ANAPC4: variants seen among roughly 807,000 people sequenced by gnomAD.
The protein encoded by ANAPC4 is anaphase promoting complex subunit 4, also known as anaphase-promoting complex subunit 4.
A neutral mutation model predicts 119.8 loss-of-function variants in ANAPC4; 63 were observed. The ratio of observed to expected loss-of-function variants is 0.53; its 90% CI spans 0.43 to 0.65. The LOEUF is 0.65. Ranked by LOEUF, ANAPC4 falls within the 30% of genes least tolerant of loss-of-function variation. The pLI is 0.00. For synonymous variants in ANAPC4, 283 were observed against 318.6 expected (o/e 0.89, Z 1.19); for missense variants, 716 against 945.1 (o/e 0.76, Z 3.18).
At chr4:25,386,204 C>T (rs1032820355) in intron 4 of ANAPC4, among the ~76,000 whole-genome samples, 6 of 151,802 alleles carry the variant, frequency 4.0e-5, no homozygotes, top group African/African-American at 7.3e-5. Context: ...TAAGCCTCAG[C>T]GCCTGGCCTT....
intron 11 of ANAPC4, 113 bp from the exon 12 acceptor site, chr4:25,394,197 A>G: frequency 1.1e-6 from 1 of 875,834 alleles, no homozygotes; most frequent in Non-Finnish European, 1.8e-6. Context: ...CACTTTATGG[A>G]TTTGATGGAA....
chr4:25,384,282 C>T (rs1325074984), intron 4 of ANAPC4, among the ~76,000 whole-genome samples: 1 of 152,182 alleles, frequency 6.6e-6, no homozygotes, highest in Non-Finnish European at 1.5e-5. Flanking sequence ...TTGCTATTTC[C>T]ACCAGATCTG....
chr4:25,406,894 T>G lies in ANAPC4; in HGVS notation c.1374+9T>G. Reference sequence around the variant, plus strand: ...CTGAACATTTCAATGAGGTAAGAAGTTGATATTTCTGTAATGCAGTTTAAA... The same window carrying G: ...CTGAACATTTCAATGAGGTAAGAAGGTGATATTTCTGTAATGCAGTTTAAA... On this transcript the variant is annotated intron_variant, in intron 19 of 28. Coordinates refer to ENST00000315368, the MANE Select transcript of ANAPC4 (RefSeq NM_013367.3). 5 of 1,577,280 alleles carry G rather than the reference T, an allele frequency of 3.2e-6. No homozygotes were observed. Among genetic ancestry groups the G allele is most frequent in the Non-Finnish European group, 4.3e-6 (5 of 1,159,276 alleles).
chr4:25,393,431 G>A (rs954718296), intron 10 of ANAPC4, among the ~76,000 whole-genome samples: 2 of 152,154 alleles, frequency 1.3e-5, no homozygotes, highest in African/African-American at 2.4e-5. Context: ...GGAGGCTGAG[G>A]CAGGTGGATC....
chr4:25,396,465 A>G (rs1722659345), intron 14 of ANAPC4, among the ~76,000 whole-genome samples, 199 bp from the exon 15 acceptor site: 1 of 152,188 alleles, frequency 6.6e-6, no homozygotes, highest in South Asian at 2.1e-4. Flanking sequence ...TGATCTTGTC[A>G]TTTGTTTATC....
At chr4:25,398,330 T>C (rs1722768446) in intron 16 of ANAPC4, among the ~76,000 whole-genome samples, 1 of 152,102 alleles carries the variant, frequency 6.6e-6, no homozygotes, top group African/African-American at 2.4e-5. Flanking sequence ...AGGTAGGGGA[T>C]TCAACTTTAT....
At chr4:25,411,969 G>A (rs556677299) in intron 21 of ANAPC4, among the ~76,000 whole-genome samples, 145 of 152,238 alleles carry the variant, frequency 9.5e-4, no homozygotes, top group Non-Finnish European at 1.3e-3. Flanking sequence ...CTGCCCTCGC[G>A]TCAAATGTCA....
chr4:25,393,565 G>A (rs554909556), intron 10 of ANAPC4, among the ~76,000 whole-genome samples: 8 of 152,170 alleles, frequency 5.3e-5, no homozygotes, highest in Non-Finnish European at 1.0e-4. Context: ...GGGAGGCTGA[G>A]GCAGGAGAAT....
chr4:25,395,202 G>T (rs561983254), intron 14 of ANAPC4: 22 of 218,998 alleles, frequency 1.0e-4, no homozygotes, highest in Admixed American at 3.4e-4. Flanking sequence ...TTTTTTTTGA[G>T]CAGTGAGATT....
At chr4:25,414,439 C>G (rs1488963205) in intron 23 of ANAPC4, 27 bp from the exon 24 acceptor site, 2 of 1,598,306 alleles carry the variant, frequency 1.3e-6, no homozygotes, top group Non-Finnish European at 1.7e-6. Flanking sequence ...TTAAATTTTT[C>G]TCATTTCTTT....
intron 20 of ANAPC4, among the ~76,000 whole-genome samples, chr4:25,407,484 C>A (rs573635310): frequency 3.0e-4 from 46 of 152,172 alleles, no homozygotes; most frequent in African/African-American, 1.1e-3. Context: ...CACCTGTAAT[C>A]CCAGCTACTT....
In ANAPC4 at chr4:25,388,573, A is replaced by C; in HGVS notation, c.442A>C (p.Asn148His). The change falls in exon 5 of 29, where the codon AAC becomes CAC. Residue 148 changes from asparagine to histidine, a missense_variant and splice_region_variant. This residue lies in a region of ANAPC4 where 202 missense variants were observed against 293.5 expected (regional missense o/e 0.69). Coordinates refer to ENST00000315368, the MANE Select transcript of ANAPC4 (RefSeq NM_013367.3). ...LLPKLPTLPK[N>H]YSNTSKIFSE... ...ACCTAAACTACCTACACTGCCAAAAAAGTATGTATCACTGGTTTCTTTGAA... is the reference window on the plus strand; with the variant it reads ...ACCTAAACTACCTACACTGCCAAAACAGTATGTATCACTGGTTTCTTTGAA... 6.3e-7 allele frequency: 1 copy of C among 1,598,894 alleles called. No homozygotes were observed.
At chr4:25,406,254 C>T (rs1723242938) in intron 18 of ANAPC4, among the ~76,000 whole-genome samples, 2 of 152,204 alleles carry the variant, frequency 1.3e-5, no homozygotes, top group South Asian at 4.1e-4. Context: ...ATCTTTTGCA[C>T]TGTGGGTGAC....
In ANAPC4 at chr4:25,394,988, T is replaced by G. The variant is rs1461804669; in HGVS notation, c.1061+83T>G. The stretch of plus-strand genomic sequence containing the variant: ...TTCTTTCCGCCGCCTTTTCTTCATC[T>G]GGCATTCTCTTTTTAAGCCTTTTCT... On this transcript the variant is annotated intron_variant, in intron 14 of 28. Coordinates refer to ENST00000315368, the MANE Select transcript of ANAPC4 (RefSeq NM_013367.3). 9.2e-6 allele frequency: 10 copies of G among 1,082,638 alleles called. No homozygotes were observed. In the South Asian group the frequency reaches 1.4e-4, roughly 16 times the overall value. 67.1% of individuals were successfully genotyped at this position (1,082,638 alleles called of 1,614,324 possible). A position where few individuals can be genotyped will look rare whatever the true frequency, so the allele number is the denominator to read the frequency against.
At chr4:25,399,320 A>G (rs1332494786) in intron 16 of ANAPC4, among the ~76,000 whole-genome samples, 2 of 152,220 alleles carry the variant, frequency 1.3e-5, no homozygotes, top group African/African-American at 4.8e-5. Flanking sequence ...GATAAGATGC[A>G]GTTCGGGATC....
In ANAPC4 at chr4:25,415,541, G is replaced by T; in HGVS notation, c.1901+1G>T. 1 of 1,611,730 alleles carries T rather than the reference G, an allele frequency of 6.2e-7. No individual in the cohort carries two copies. Among genetic ancestry groups the T allele is most frequent in the East Asian group, 2.2e-5 (1 of 44,800 alleles). On this transcript the variant is annotated splice_donor_variant, in intron 26 of 28. Transcript: ENST00000315368. LOFTEE classifies it high-confidence loss of function. ...CCACAACAGAAAAAGTCAGAAGAAG[G>T]TAAGTCTTGAATCTTGTTTGGATGA...
chr4:25,389,141 C>T (rs1018766725), intron 7 of ANAPC4, among the ~76,000 whole-genome samples: 7 of 150,484 alleles, frequency 4.7e-5, no homozygotes, highest in African/African-American at 1.2e-4. Context: ...TACAGGCACG[C>T]GCCACCACAC....
At chr4:25,410,424 T>G (rs1389240068) in intron 21 of ANAPC4, among the ~76,000 whole-genome samples, 1 of 152,208 alleles carries the variant, frequency 6.6e-6, no homozygotes, top group Non-Finnish European at 1.5e-5. Context: ...GTGCTTAGTC[T>G]AACTAAACAT....
At chr4:25,398,433 C>T (rs553647303) in intron 16 of ANAPC4, among the ~76,000 whole-genome samples, 3 of 152,156 alleles carry the variant, frequency 2.0e-5, no homozygotes, top group African/African-American at 7.2e-5. Flanking sequence ...GAAGGGGCAG[C>T]AAGTGTGAAG....
Sources: allele counts gnomAD v4.1 joint callset (sites outside exome capture counted in the v4.1 genomes callset), GRCh38; gene constraint gnomAD v4.1.1; regional missense constraint gnomAD v4.1.1; transcripts MANE v1.5; gene names NCBI Gene and HGNC (gene_info 2026-07-23, HGNC 2026-07-21).